Variants in FER1L6 observed in about 807,000 individuals in gnomAD.
FER1L6 encodes the protein fer-1-like protein 6.
FER1L6 carries 177 observed loss-of-function variants against 219.2 expected under a neutral mutation model. The ratio of observed to expected loss-of-function variants is 0.81; its 90% CI spans 0.71 to 0.91. FER1L6 has a LOEUF of 0.91. Among genes scored for constraint, FER1L6 ranks in the 40% least tolerant of loss-of-function variants. The probability of loss-of-function intolerance (pLI) is 0.00; values close to 1 mark genes in which losing one functional copy is unlikely to be tolerated. For missense variants in FER1L6, 2,153 were observed against 2,259.9 expected, an observed-to-expected ratio of 0.95 and a Z score of 0.96; for synonymous variants, 768 against 824.3, an observed-to-expected ratio of 0.93 and a Z score of 1.17.
At chr8:124,042,335 T>C (rs578188547) in intron 20 of FER1L6, among the ~76,000 whole-genome samples, 1 of 152,384 alleles carries the variant, frequency 6.6e-6, no homozygotes, top group South Asian at 2.1e-4. Context: ...TTTTTGTTAA[T>C]AATAATAGCT....
chr8:124,000,380 G>A lies in FER1L6; in HGVS notation c.1520-2787G>A, dbSNP rs1222092369. ...CCTGATTGCTGGTTCTTATGAAGGTGCTTATTTTGTATGAAGAGTTGTTTA... is the reference window on the plus strand; with the variant it reads ...CCTGATTGCTGGTTCTTATGAAGGTACTTATTTTGTATGAAGAGTTGTTTA... On this transcript the variant is annotated intron_variant, in intron 12 of 40. Transcript: ENST00000522917. 2.6e-5 allele frequency among the ~76,000 whole-genome samples: 4 copies of A among 152,198 alleles called. No homozygotes were observed. In the East Asian group the frequency reaches 7.7e-4, roughly 29 times the overall value.
At position 123,986,098 on chromosome 8, in the gene FER1L6, C is replaced by T. The variant is rs762313148; in HGVS notation, c.1441C>T (p.Leu481Phe). 32 of 1,612,682 alleles carry T rather than the reference C, an allele frequency of 2.0e-5. No individual in the cohort carries two copies. The South Asian group carries it at 3.4e-4, about 17-fold the overall frequency. ...ACCAGAAAAAAATGAGGAATTTTTA[C>T]TCTTTGGAGCATTTTTTGAAGCTAC... ...IVPEKNEEFLLFGAFFEATMI... is the reference protein window; with the variant it reads ...IVPEKNEEFLFFGAFFEATMI... Residue 481 changes from leucine (L) to phenylalanine (F), a missense_variant, in exon 12 of 41, where the codon CTC (leucine) becomes TTC (phenylalanine). By Grantham distance (22) the Leu-to-Phe change is conservative (BLOSUM62 0). Coordinates refer to ENST00000522917, the MANE Select transcript of FER1L6 (RefSeq NM_001039112.2).
rs2130991291 is a variant in FER1L6 at position 124,103,152 on chromosome 8, T to C, written c.5132T>C (p.Leu1711Pro). 6.2e-7 allele frequency: 1 copy of C among 1,613,926 alleles called. No homozygotes were observed. Among genetic ancestry groups the C allele is most frequent in the African/African-American group, 1.3e-5 (1 of 75,050 alleles). Reference protein sequence around the residue: ...RLSSDDFLGTLEMNLNSFPRA... With the variant: ...RLSSDDFLGTPEMNLNSFPRA... ...TAGGGTCATCTCTCCACAGGCACCCTGGAAATGAACCTCAACAGTTTCCCT... is the reference window on the plus strand; with the variant it reads ...TAGGGTCATCTCTCCACAGGCACCCCGGAAATGAACCTCAACAGTTTCCCT... The change falls in exon 39 of 41, where the codon CTG (leucine) becomes CCG (proline). Residue 1711 changes from leucine (L) to proline (P), a missense_variant. Coordinates refer to ENST00000522917, the MANE Select transcript of FER1L6 (RefSeq NM_001039112.2).
chr8:123,900,451 G>A (rs550494080), intron 1 of FER1L6, among the ~76,000 whole-genome samples: 1 of 152,112 alleles, frequency 6.6e-6, no homozygotes, highest in Admixed American at 6.6e-5. Flanking sequence ...GTGACAGTTT[G>A]ACTTCCTTTT....
intron 31 of FER1L6, among the ~76,000 whole-genome samples, chr8:124,075,961 C>G (rs544160586): frequency 4.6e-5 from 7 of 152,284 alleles, no homozygotes; most frequent in African/African-American, 1.7e-4. Context: ...TTGGGCAAAG[C>G]CAATAATTTT....
chr8:123,913,264 C>A (rs891585837), intron 1 of FER1L6, among the ~76,000 whole-genome samples: 13 of 151,004 alleles, frequency 8.6e-5, no homozygotes, highest in African/African-American at 2.7e-4. Context: ...GGGTTAGTTC[C>A]ATTTTTTTCC....
Position 124,103,253 on chromosome 8 carries a change from T to C in FER1L6, c.5233T>C (p.Phe1745Leu). Residue 1745 changes from phenylalanine to leucine, a missense_variant, in exon 39 of 41, where the codon TTC becomes CTC. By Grantham distance (22) the Phe-to-Leu change is conservative (BLOSUM62 0). Coordinates refer to ENST00000522917, the MANE Select transcript of FER1L6 (RefSeq NM_001039112.2). ...AAGTGAGGAGACCAAGATCTCTATA[T>C]TCCAGCAAAAACGTGTGCGTGGCTG... ...NASEETKISI[F>L]QQKRVRGWWP... 1 of 1,614,134 alleles carries C rather than the reference T, an allele frequency of 6.2e-7. No homozygotes were observed. The highest frequency in any genetic ancestry group is 8.5e-7 in the Non-Finnish European group (1 of 1,180,002).
intron 1 of FER1L6, among the ~76,000 whole-genome samples, chr8:123,882,114 G>A (rs1160951941): frequency 6.6e-6 from 1 of 152,126 alleles, no homozygotes; most frequent in Non-Finnish European, 1.5e-5. Flanking sequence ...TGATGTGAAT[G>A]TGATATTTGC....
chr8:123,930,947 C>T (rs1813740582), intron 1 of FER1L6, among the ~76,000 whole-genome samples: 1 of 152,158 alleles, frequency 6.6e-6, no homozygotes, highest in African/African-American at 2.4e-5. Context: ...CCCACCTCCA[C>T]CCCACTGGGG....
At chr8:124,075,135 A>T (rs1028760076) in intron 31 of FER1L6, among the ~76,000 whole-genome samples, 7 of 152,216 alleles carry the variant, frequency 4.6e-5, no homozygotes, top group African/African-American at 1.7e-4. Flanking sequence ...TTATTCAATA[A>T]TAAATTAGCT....
At chr8:123,933,327 C>G (rs879909519) in intron 1 of FER1L6, among the ~76,000 whole-genome samples, 3 of 152,148 alleles carry the variant, frequency 2.0e-5, no homozygotes, top group Non-Finnish European at 4.4e-5. Context: ...AAGTCTGCTC[C>G]CCACCCACTT....
chr8:123,980,801 T>A lies in FER1L6; in HGVS notation c.1400T>A (p.Val467Asp), dbSNP rs1026391512. 1 of 1,612,842 alleles carries A rather than the reference T, an allele frequency of 6.2e-7. No homozygotes were observed. The highest frequency in any genetic ancestry group is 8.5e-7 in the Non-Finnish European group (1 of 1,179,440). The change falls in exon 11 of 41, where the codon GTC (valine) becomes GAC (aspartate). Residue 467 changes from valine (V) to aspartate (D), a missense_variant. Coordinates refer to ENST00000522917, the MANE Select transcript of FER1L6 (RefSeq NM_001039112.2). ...STEVEVESFDVPPEIVPEKNE... is the reference protein window; with the variant it reads ...STEVEVESFDDPPEIVPEKNE... Reference sequence around the variant, plus strand: ...GAGGTGGAGGTGGAATCGTTCGATGTCCCCCCGGAGGTAGGTCTAGGCACT... The same window carrying A: ...GAGGTGGAGGTGGAATCGTTCGATGACCCCCCGGAGGTAGGTCTAGGCACT...
intron 1 of FER1L6, among the ~76,000 whole-genome samples, chr8:123,887,213 G>T (rs1391516252): frequency 6.6e-6 from 1 of 152,064 alleles, no homozygotes; most frequent in Non-Finnish European, 1.5e-5. Flanking sequence ...CCACCTCCTT[G>T]GCTGCAGCAC....
chr8:124,045,656 C>T, intron 20 of FER1L6, 111 bp from the exon 21 acceptor site: 1 of 1,181,528 alleles, frequency 8.5e-7, no homozygotes, highest in Non-Finnish European at 1.2e-6. Flanking sequence ...GGTGAGCAAT[C>T]ACAATGATGA....
chr8:124,009,819 T>A (rs1371568615), intron 13 of FER1L6, among the ~76,000 whole-genome samples: 1 of 151,876 alleles, frequency 6.6e-6, no homozygotes, highest in Non-Finnish European at 1.5e-5. Flanking sequence ...GGAGGAGAGG[T>A]CTTGTTCTAG....
intron 1 of FER1L6, among the ~76,000 whole-genome samples, chr8:123,901,348 A>G (rs1191227103): frequency 2.6e-5 from 4 of 152,078 alleles, no homozygotes; most frequent in African/African-American, 4.8e-5. Flanking sequence ...GTCAATTGTA[A>G]TATCTTCTGT....
intron 14 of FER1L6, among the ~76,000 whole-genome samples, chr8:124,012,053 G>T (rs1817959636): frequency 6.6e-6 from 1 of 152,120 alleles, no homozygotes; most frequent in Admixed American, 6.6e-5. Context: ...CTGACATCTT[G>T]CACCTCCCCT....
chr8:123,866,672 G>A (rs962070959), intron 1 of FER1L6, among the ~76,000 whole-genome samples: 13 of 152,282 alleles, frequency 8.5e-5, no homozygotes, highest in Middle Eastern at 6.8e-3. Flanking sequence ...AGGCTCGAGT[G>A]CAGTGGTGCT....
chr8:123,883,345 C>T (rs910043005), intron 1 of FER1L6, among the ~76,000 whole-genome samples: 1 of 152,152 alleles, frequency 6.6e-6, no homozygotes, highest in Non-Finnish European at 1.5e-5. Flanking sequence ...GGCAAAAAAG[C>T]ATTGGCATGC....
Sources: gnomAD v4.1 joint callset for allele counts (sites outside exome capture counted in the v4.1 genomes callset) on GRCh38, gnomAD v4.1.1 for gene constraint, MANE v1.5 for transcripts, NCBI Gene and HGNC (gene_info 2026-07-23, HGNC 2026-07-21) for gene names.